The following ANKHD1 variants were observed in gnomAD, a reference collection of about 807,000 sequenced individuals.
ANKHD1 encodes the protein ankyrin repeat and KH domain-containing protein 1.
ANKHD1 carries 31 observed loss-of-function variants against 230.5 expected under a neutral mutation model. That is an observed-to-expected ratio of 0.13 (90% CI 0.10 to 0.18). ANKHD1 has a LOEUF of 0.18. ANKHD1 is among the 10% of genes least tolerant of loss of function. The pLI is 1.00. For missense variants in ANKHD1, 2,256 were observed against 3,071.3 expected (o/e 0.73, Z 6.27); for synonymous variants, 1,074 against 1,117.6 (o/e 0.96, Z 0.78).
At chr5:140,409,401 A>C (rs1188190904) in intron 1 of ANKHD1, among the ~76,000 whole-genome samples, 3 of 152,312 alleles carry the variant, frequency 2.0e-5, no homozygotes, top group Non-Finnish European at 4.4e-5. Context: ...GGGGACTTCC[A>C]GTTTGTTCAA....
intron 7 of ANKHD1, 109 bp downstream of exon 7, chr5:140,449,414 C>T (rs767638839): frequency 3.9e-6 from 5 of 1,296,802 alleles, no homozygotes; most frequent in African/African-American, 1.5e-5. Context: ...CCTGTAATCC[C>T]AGCACTTTGA....
At chr5:140,423,389 T>A (rs1195677284) in intron 1 of ANKHD1, among the ~76,000 whole-genome samples, 1 of 152,186 alleles carries the variant, frequency 6.6e-6, no homozygotes, top group African/African-American at 2.4e-5. Context: ...ACTCTAAAGA[T>A]TGATATTTGA....
Position 140,527,855 on chromosome 5 carries a change from G to A in ANKHD1, c.5088-18G>A, listed in dbSNP as rs1053191351. 2 of 1,608,232 alleles carry A rather than the reference G, an allele frequency of 1.2e-6. No individual in the cohort carries two copies. Among genetic ancestry groups the A allele is most frequent in the Non-Finnish European group, 1.7e-6 (2 of 1,177,442 alleles). On this transcript the variant is annotated intron_variant, in intron 27 of 33. Transcript: ENST00000360839. This position sits in a 1 kb window ranked among gnomAD's most constrained non-coding sequence, Gnocchi z 4.5. The stretch of plus-strand genomic sequence containing the variant: ...GACATTTAATTTCATAAGCTCATGT[G>A]TATTCTTCATTTTATAGGTCAAAGA...
chr5:140,416,602 A>C (rs1561685504), intron 1 of ANKHD1, among the ~76,000 whole-genome samples: 4 of 152,098 alleles, frequency 2.6e-5, no homozygotes, highest in Admixed American at 1.3e-4. Flanking sequence ...GTAGCTTTAT[A>C]GTAAGTTGAA....
intron 7 of ANKHD1, among the ~76,000 whole-genome samples, chr5:140,450,839 G>A (rs1358952917): frequency 2.6e-5 from 4 of 151,730 alleles, no homozygotes; most frequent in Non-Finnish European, 4.4e-5. Context: ...AGATATGTTA[G>A]CAGAATCTAT....
chr5:140,446,047 G>T, intron 6 of ANKHD1, 72 bp downstream of exon 6: 1 of 1,378,898 alleles, frequency 7.3e-7, no homozygotes, highest in Non-Finnish European at 9.5e-7. Context: ...TTGAGTATTT[G>T]AGTTTACTTT....
intron 32 of ANKHD1, 60 bp downstream of exon 32, chr5:140,538,321 T>G: frequency 6.3e-7 from 1 of 1,583,872 alleles, no homozygotes; most frequent in Non-Finnish European, 8.6e-7. Flanking sequence ...GTAGTCACAT[T>G]AAGGAATACC....
Position 140,458,881 on chromosome 5 carries a change from T to G in ANKHD1, c.1480+19T>G, listed in dbSNP as rs749974307. On this transcript the variant is annotated intron_variant, in intron 8 of 33. Coordinates refer to ENST00000360839, the MANE Select transcript of ANKHD1 (RefSeq NM_017747.3). ...GCACAAGGTAAAGCAGTTTTACTTC[T>G]TTTAGAAAAATCAGTTTTCTTTGGA... The G allele has an allele frequency of 2.5e-6, 4 of 1,573,764 alleles. No individual in the cohort carries two copies. Among genetic ancestry groups the G allele is most frequent in the Admixed American group, 1.8e-5 (1 of 56,394 alleles).
chr5:140,526,398 C>T lies in ANKHD1; in HGVS notation c.4895C>T (p.Ser1632Phe). 6.2e-7 allele frequency: 1 copy of T among 1,613,458 alleles called. No homozygotes were observed. Among genetic ancestry groups the T allele is most frequent in the African/African-American group, 1.3e-5 (1 of 75,010 alleles). ...AAATACCCCTCACTGCTCCTTCATT[C>T]CCAAGAAGAAAAGACAAGTACTGCT... The part of the protein sequence containing the change: ...SSKYPSLLLH[S>F]QEEKTSTATS... The change falls in exon 26 of 34, where the codon TCC (serine) becomes TTC (phenylalanine). Residue 1632 changes from serine (S) to phenylalanine (F), a missense_variant. By Grantham distance (155) the Ser-to-Phe change is radical (BLOSUM62 -2). Transcript: ENST00000360839.
At chr5:140,470,217 G>C (rs1186280460) in intron 10 of ANKHD1, among the ~76,000 whole-genome samples, 3 of 151,716 alleles carry the variant, frequency 2.0e-5, no homozygotes, top group African/African-American at 7.3e-5. Flanking sequence ...TTAAACATCT[G>C]ATTTCATCAG....
In ANKHD1 at chr5:140,449,217, T is replaced by C; in HGVS notation, c.1154T>C (p.Leu385Ser). 1 of 1,611,726 alleles carries C rather than the reference T, an allele frequency of 6.2e-7. No homozygotes were observed. The highest frequency in any genetic ancestry group is 8.5e-7 in the Non-Finnish European group (1 of 1,178,676). ...ALTLACYKGH[L>S]DMVRFLLEAG... ...TTTTGTTCCTTTTTTCAAGGCCATT[T>C]GGATATGGTTCGCTTTCTACTTGAA... Residue 385 changes from leucine (L) to serine (S), a missense_variant, in exon 7 of 34, where the codon TTG becomes TCG. By Grantham distance (145) the Leu-to-Ser change is moderately radical. Transcript: ENST00000360839.
intron 29 of ANKHD1, among the ~76,000 whole-genome samples, chr5:140,532,520 C>T (rs1277789688): frequency 1.3e-5 from 2 of 152,058 alleles, no homozygotes; most frequent in African/African-American, 4.8e-5. Context: ...ACTGCAGCCT[C>T]AACCTCCTGG....
intron 10 of ANKHD1, among the ~76,000 whole-genome samples, chr5:140,478,714 G>C (rs1751098897): frequency 3.9e-5 from 6 of 151,902 alleles, no homozygotes; most frequent in Admixed American, 3.9e-4. Context: ...GTGCAGTCTT[G>C]GCTCACTGCA....
chr5:140,444,089 C>CT (rs1345874881), intron 5 of ANKHD1, among the ~76,000 whole-genome samples: 4 of 140,334 alleles, frequency 2.9e-5, no homozygotes, highest in Admixed American at 7.1e-5. Flanking sequence ...TCCCCCCCCC[C>CT]CTTTTTTTTT....
At chr5:140,501,459 C>CA (rs1240970417) in intron 15 of ANKHD1, among the ~76,000 whole-genome samples, 5 of 151,946 alleles carry the variant, frequency 3.3e-5, no homozygotes, top group African/African-American at 1.2e-4. Context: ...CTTAAAAACT[C>CA]ACAACAGCCG....
chr5:140,486,824 TA>T (rs1561789413), intron 13 of ANKHD1, 133 bp from the exon 14 acceptor site: 5 of 845,170 alleles, frequency 5.9e-6, no homozygotes, highest in Non-Finnish European at 6.6e-6. Context: ...AAGCTTTTTT[TA>T]AAAAAAGCTT....
chr5:140,518,094 G>A (rs910459316), intron 24 of ANKHD1, among the ~76,000 whole-genome samples: 5 of 152,174 alleles, frequency 3.3e-5, no homozygotes, highest in African/African-American at 1.2e-4. Flanking sequence ...AATAAAAAAT[G>A]ATAAAGGGGA....
intron 1 of ANKHD1, among the ~76,000 whole-genome samples, chr5:140,423,101 A>G (rs1440446619): frequency 3.3e-5 from 5 of 151,892 alleles, no homozygotes; most frequent in Non-Finnish European, 7.4e-5. Flanking sequence ...TGAGGTCTCA[A>G]TACCTAGGGT....
At chr5:140,449,398 C>CAAT in intron 7 of ANKHD1, 93 bp downstream of exon 7, 2 of 1,411,558 alleles carry the variant, frequency 1.4e-6, no homozygotes, top group Non-Finnish European at 1.9e-6. Context: ...AGTGCGGTGG[C>CAAT]TCACGCCTGT....
Sources: gnomAD v4.1 joint callset for allele counts (sites outside exome capture counted in the v4.1 genomes callset) on GRCh38, gnomAD v4.1.1 for gene constraint, Gnocchi (gnomAD v3.1) non-coding constraint, MANE v1.5 for transcripts, NCBI Gene and HGNC (gene_info 2026-07-23, HGNC 2026-07-21) for gene names.